Variants in DCAF13 observed in about 807,000 individuals in gnomAD.
DCAF13 encodes DDB1- and CUL4-associated factor 13.
Under a neutral mutation model 59.0 loss-of-function variants are expected in DCAF13, and 38 were observed. The observed-to-expected ratio is 0.64, with a 90% confidence interval of 0.50 to 0.84. The LOEUF (loss-of-function observed/expected upper bound fraction) is 0.84, where lower values mean the gene tolerates loss of function less well. DCAF13 is among the 40% of genes least tolerant of loss of function. The pLI is 0.00. For synonymous variants in DCAF13, 173 were observed against 175.0 expected, an observed-to-expected ratio of 0.99 and a Z score of 0.09; for missense variants, 469 against 558.4, an observed-to-expected ratio of 0.84 and a Z score of 1.61.
At position 103,415,475 on chromosome 8, in the gene DCAF13, C is replaced by T; in HGVS notation, c.29C>T (p.Pro10Leu). 6 of 1,613,360 alleles carry T rather than the reference C, an allele frequency of 3.7e-6. No individual in the cohort carries two copies. Among genetic ancestry groups the T allele is most frequent in the Non-Finnish European group, 5.1e-6 (6 of 1,179,484 alleles). ...AAGGTGAAGATGCTGAGCCGGAATCCGGACAATTATGTCCGCGAAACCAAG... is the reference window on the plus strand; with the variant it reads ...AAGGTGAAGATGCTGAGCCGGAATCTGGACAATTATGTCCGCGAAACCAAG... The part of the protein sequence containing the change: MKVKMLSRN[P>L]DNYVRETKLD... The change falls in exon 1 of 11, where the codon CCG (proline) becomes CTG (leucine). Residue 10 changes from proline to leucine, a missense_variant. By Grantham distance (98) the Pro-to-Leu change is moderately conservative. Around this residue, in one of 3 missense-constraint regions of DCAF13, gnomAD observed 355 missense variants for 399.1 expected, o/e 0.89. Transcript: ENST00000612750.
At chr8:103,438,452 G>A (rs576797357) in intron 8 of DCAF13, among the ~76,000 whole-genome samples, 1 of 150,042 alleles carries the variant, frequency 6.7e-6, no homozygotes, top group South Asian at 2.1e-4. Flanking sequence ...ACAGAGTCTG[G>A]CTCTGTCAGC....
chr8:103,426,334 A>G (rs1816792457), intron 4 of DCAF13, among the ~76,000 whole-genome samples, 189 bp downstream of exon 4: 1 of 147,984 alleles, frequency 6.8e-6, no homozygotes, highest in African/African-American at 2.5e-5. Flanking sequence ...GAATTTTAAC[A>G]GTTTTTTTTT....
At chr8:103,439,309 C>T (rs3134271) in intron 8 of DCAF13, among the ~76,000 whole-genome samples, 33,154 of 151,200 alleles carry the variant, frequency 0.22, 3,734 homozygotes, top group East Asian at 0.34. Context: ...TTATTCTTAC[C>T]TCAACTTATC....
chr8:103,419,653 T>C (rs1176392573), intron 1 of DCAF13, among the ~76,000 whole-genome samples: 1 of 152,116 alleles, frequency 6.6e-6, no homozygotes, highest in Non-Finnish European at 1.5e-5. Context: ...GAAGTACAAA[T>C]GAAAAGTGTA....
chr8:103,423,221 A>AT lies in DCAF13; in HGVS notation c.378+2148dup, dbSNP rs796748512. The stretch of plus-strand genomic sequence containing the variant: ...ATAGCTCAGCCAGAGGACTTAGTGT[A>AT]TTTTTTTTTAATGCTTAAAATGAAT... On this transcript the variant is annotated intron_variant, in intron 3 of 10. Coordinates refer to ENST00000612750, the MANE Select transcript of DCAF13 (RefSeq NM_015420.7). Among the ~76,000 whole-genome samples the AT allele has an allele frequency of 7.9e-3, 1,184 of 150,612 alleles. 14 individuals are homozygous for AT. The highest frequency in any genetic ancestry group is 0.027 in the African/African-American group (1,106 of 41,172).
intron 7 of DCAF13, 105 bp from the exon 8 acceptor site, chr8:103,435,521 T>A (rs1816920943): frequency 1.1e-6 from 1 of 914,672 alleles, no homozygotes; most frequent in Non-Finnish European, 1.6e-6. Flanking sequence ...TTTGTTTAGA[T>A]GTGCATTGTT....
Position 103,441,486 on chromosome 8 carries a change from A to G in DCAF13, c.1118A>G (p.Tyr373Cys), listed in dbSNP as rs373812134. Residue 373 changes from tyrosine (Y) to cysteine (C), a missense_variant, in exon 10 of 11, where the codon TAT becomes TGT. This residue lies in a region of DCAF13 where 30 missense variants were observed against 67.1 expected (regional missense o/e 0.45). Transcript: ENST00000612750. Reference sequence around the variant, plus strand: ...TCACGAGAAAAAGCAGCCAAGGATTATAACCAGAAATTGAAGGAGAAATTT... The same window carrying G: ...TCACGAGAAAAAGCAGCCAAGGATTGTAACCAGAAATTGAAGGAGAAATTT... ...LTSREKAAKD[Y>C]NQKLKEKFQH... 2 of 1,597,352 alleles carry G rather than the reference A, an allele frequency of 1.3e-6. No individual in the cohort carries two copies. The highest frequency in any genetic ancestry group is 2.7e-5 in the African/African-American group (2 of 73,550).
chr8:103,430,722 G>A (rs1234041674), intron 6 of DCAF13, 33 bp downstream of exon 6: 7 of 1,484,750 alleles, frequency 4.7e-6, no homozygotes, highest in Non-Finnish European at 6.5e-6. Flanking sequence ...GCTTTATACA[G>A]TTGGCATTAT....
intron 1 of DCAF13, among the ~76,000 whole-genome samples, chr8:103,418,882 T>A (rs1195025759): frequency 0.081 from 4,672 of 57,586 alleles, 294 homozygotes; most frequent in East Asian, 0.24. Flanking sequence ...TTTTTTTTTT[T>A]TTTTTTTTTT....
At chr8:103,417,615 C>T (rs1816638939) in intron 1 of DCAF13, among the ~76,000 whole-genome samples, 1 of 142,894 alleles carries the variant, frequency 7.0e-6, no homozygotes, top group Non-Finnish European at 1.5e-5. Flanking sequence ...GCACTCCAGC[C>T]TGGGTGACAG....
intron 7 of DCAF13, among the ~76,000 whole-genome samples, chr8:103,434,216 G>C (rs1175505878): frequency 6.6e-6 from 1 of 152,002 alleles, no homozygotes; most frequent in Non-Finnish European, 1.5e-5. Context: ...AGGCCGACCA[G>C]TAATTACTGT....
At chr8:103,440,393 TA>T (rs58480092) in intron 9 of DCAF13, 122 bp downstream of exon 9, 20 of 832,722 alleles carry the variant, frequency 2.4e-5, no homozygotes, top group Admixed American at 2.2e-4. Flanking sequence ...ATAGCTGTGA[TA>T]AAAAAAGCAA....
At chr8:103,420,545 G>A (rs551978406) in intron 2 of DCAF13, 82 bp downstream of exon 2, 1 of 1,406,866 alleles carries the variant, frequency 7.1e-7, no homozygotes, top group East Asian at 2.5e-5. Context: ...GTTACTGTAG[G>A]TTTTACTTTA....
chr8:103,426,764 A>G (rs1816797228), intron 4 of DCAF13, among the ~76,000 whole-genome samples: 1 of 152,122 alleles, frequency 6.6e-6, no homozygotes, highest in African/African-American at 2.4e-5. Flanking sequence ...TCGTTTCAAT[A>G]TTATGGTTAG....
In DCAF13 at chr8:103,431,465, C is replaced by T. The variant is rs149319550; in HGVS notation, c.702+776C>T. ...TGTTATTCCTAAATCATTTTTATAA[C>T]GTAACAACTAGATATTAGGAGAGTA... On this transcript the variant is annotated intron_variant, in intron 6 of 10. Transcript: ENST00000612750. Among the ~76,000 whole-genome samples, 349 of 152,192 alleles carry T rather than the reference C, an allele frequency of 2.3e-3. 5 individuals carry two copies. The highest frequency in any genetic ancestry group is 7.8e-3 in the African/African-American group (323 of 41,528).
intron 3 of DCAF13, among the ~76,000 whole-genome samples, chr8:103,425,300 C>A (rs909525939): frequency 6.6e-6 from 1 of 152,188 alleles, no homozygotes; most frequent in Non-Finnish European, 1.5e-5. Flanking sequence ...GTTTTGTAGT[C>A]TGTTTCACCT....
intron 8 of DCAF13, among the ~76,000 whole-genome samples, chr8:103,436,017 C>T (rs138804549): frequency 2.1e-4 from 32 of 152,252 alleles, no homozygotes; most frequent in Middle Eastern, 3.4e-3. Context: ...GTGCTGAATA[C>T]TGTGGGCAAT....
At chr8:103,441,308 T>G (rs1036180633) in intron 9 of DCAF13, 147 bp from the exon 10 acceptor site, 1 of 641,494 alleles carries the variant, frequency 1.6e-6, no homozygotes, top group African/African-American at 1.9e-5. Context: ...GTTACTAATA[T>G]AACCTTGTAA....
At chr8:103,429,940 AG>A (rs1447624922) in intron 5 of DCAF13, 2 of 152,202 alleles carry the variant, frequency 1.3e-5, no homozygotes, top group Non-Finnish European at 2.9e-5. Context: ...TTTTATCCTA[AG>A]GAAATAATTC....
Sources: gnomAD v4.1 joint callset for allele counts (sites outside exome capture counted in the v4.1 genomes callset) on GRCh38, gnomAD v4.1.1 for gene constraint, gnomAD v4.1.1 regional missense constraint, MANE v1.5 for transcripts, NCBI Gene and HGNC (gene_info 2026-07-23, HGNC 2026-07-21) for gene names.